Variants in ATM observed in about 807,000 individuals in gnomAD.
ATM encodes the protein serine-protein kinase ATM.
A neutral mutation model predicts 387.0 loss-of-function variants in ATM; 308 were observed. That is an observed-to-expected ratio of 0.80 (90% CI 0.73 to 0.87). The LOEUF is 0.87. Ranked by LOEUF, ATM falls within the 40% of genes least tolerant of loss-of-function variation. The pLI is 0.00. For synonymous variants in ATM, 1,156 were observed against 1,187.3 expected (o/e 0.97, Z 0.54); for missense variants, 3,312 against 3,560.9 (o/e 0.93, Z 1.78).
At chr11:108,313,488 G>A (rs4988076) in intron 40 of ATM, among the ~76,000 whole-genome samples, 22 of 152,032 alleles carry the variant, frequency 1.4e-4, no homozygotes, top group Non-Finnish European at 3.1e-4. Flanking sequence ...TAAGTCTGGT[G>A]GTCACCTTTC....
At chr11:108,341,176 C>T (rs2087522057) in intron 56 of ATM, among the ~76,000 whole-genome samples, 1 of 152,020 alleles carries the variant, frequency 6.6e-6, no homozygotes, top group African/African-American at 2.4e-5. Context: ...CTTACCTGGT[C>T]TTTTGCAATT....
Position 108,279,480 on chromosome 11 carries a change from C to T in ATM, c.3285-11C>T, listed in dbSNP as rs2135641969. The T allele has an allele frequency of 6.4e-7, 1 of 1,574,146 alleles. No homozygotes were observed. The highest frequency in any genetic ancestry group is 8.7e-7 in the Non-Finnish European group (1 of 1,148,504). On this transcript the variant is annotated splice_polypyrimidine_tract_variant and intron_variant, in intron 22 of 62. Transcript: ENST00000675843. ...CACTTTTTGTTTGTTTGTTTGCTTG[C>T]TTGTTTTAAGATTGTTCCAGGACAC...
intron 16 of ATM, among the ~76,000 whole-genome samples, chr11:108,266,635 TA>T (rs538064638): frequency 3.6e-4 from 54 of 151,890 alleles, no homozygotes; most frequent in East Asian, 1.4e-3. Context: ...TAAAGTGTAA[TA>T]AAAAAAATAA....
At chr11:108,297,465 GT>G (rs2083189745) in intron 33 of ATM, 83 bp downstream of exon 33, 1 of 1,200,266 alleles carries the variant, frequency 8.3e-7, no homozygotes, top group African/African-American at 1.5e-5. Context: ...TATTTTTACT[GT>G]ATGTTTTCTG....
intron 39 of ATM, among the ~76,000 whole-genome samples, chr11:108,311,039 C>T (rs1055057025): frequency 5.3e-5 from 8 of 152,204 alleles, no homozygotes; most frequent in African/African-American, 1.9e-4. Context: ...GCGATCATAG[C>T]TCACTGTAGC....
At chr11:108,358,137 A>G (rs1374376532) in intron 61 of ATM, among the ~76,000 whole-genome samples, 2 of 151,642 alleles carry the variant, frequency 1.3e-5, no homozygotes, top group African/African-American at 2.4e-5. Flanking sequence ...CTCGAGAACT[A>G]TGTGAAGAAT....
chr11:108,362,669 AATC>A (rs1439950348), intron 61 of ATM, among the ~76,000 whole-genome samples: 2 of 149,458 alleles, frequency 1.3e-5, no homozygotes, highest in African/African-American at 4.9e-5. Context: ...TGAAATTGGA[AATC>A]ATCATTCTCA....
rs970354150 is a variant in ATM, at chr11:108,368,997, A to G, written c.*3489A>G. On this transcript the variant is annotated 3_prime_UTR_variant, in exon 63 of 63. Transcript: ENST00000675843. Reference sequence around the variant, plus strand: ...TTTCAAGTATTTTAATTGCACCTTAATGAAATTATCTATTTTCTATAGATT... The same window carrying G: ...TTTCAAGTATTTTAATTGCACCTTAGTGAAATTATCTATTTTCTATAGATT... 2.2e-5 allele frequency: 4 copies of G among 183,816 alleles called. No individual in the cohort carries two copies. Among genetic ancestry groups the G allele is most frequent in the African/African-American group, 9.4e-5 (4 of 42,612 alleles). The allele number at this position is 183,816 out of a possible 1,614,324, so 11.4% of individuals were successfully genotyped here.
chr11:108,250,141 AATATAT>A (rs10612272), intron 9 of ATM, among the ~76,000 whole-genome samples: 52 of 146,326 alleles, frequency 3.6e-4, no homozygotes, highest in Admixed American at 8.2e-4. Flanking sequence ...AATATTGCTA[AATATAT>A]ATATATATAT....
intron 5 of ATM, 121 bp from the exon 6 acceptor site, chr11:108,243,827 ATAAAT>A (rs1461656206): frequency 2.3e-6 from 2 of 883,568 alleles, no homozygotes; most frequent in African/African-American, 1.7e-5. Context: ...TATGTTAAAA[ATAAAT>A]TAGTGCAGTT....
rs876660429 is a variant in ATM, at chr11:108,326,177, G to A, written c.6927G>A (p.Leu2309=). Reference sequence around the variant, plus strand: ...CAAAAAAGGAGCAGAGTCTTGCCCTGAGTATTCTCAAGCAAATGATCAAGA... The same window carrying A: ...CAAAAAAGGAGCAGAGTCTTGCCCTAAGTATTCTCAAGCAAATGATCAAGA... ...FWAKKEQSLA[L]SILKQMIKKL... Residue 2309 remains leucine, a synonymous_variant, in exon 47 of 63, where the codon CTG becomes CTA. Transcript: ENST00000675843. 3 of 1,614,178 alleles carry A rather than the reference G, an allele frequency of 1.9e-6. No individual in the cohort carries two copies. Among genetic ancestry groups the A allele is most frequent in the Non-Finnish European group, 1.7e-6 (2 of 1,180,028 alleles).
At chr11:108,241,627 G>A (rs187691366) in intron 5 of ATM, among the ~76,000 whole-genome samples, 3 of 151,492 alleles carry the variant, frequency 2.0e-5, no homozygotes, top group African/African-American at 7.3e-5. Context: ...GTATGTGACT[G>A]TGGTTGGAAT....
chr11:108,284,515 T>A lies in ATM; in HGVS notation c.3993+42T>A, dbSNP rs763032568. 4.7e-5 allele frequency: 76 copies of A among 1,604,112 alleles called. No homozygotes were observed. The African/African-American group carries it at 9.6e-4, about 20-fold the overall frequency. Reference sequence around the variant, plus strand: ...TATGTACTTTTCATTCCCTGAATGATATGAGATATAACCTTTAAGTTTTAA... The same window carrying A: ...TATGTACTTTTCATTCCCTGAATGAAATGAGATATAACCTTTAAGTTTTAA... On this transcript the variant is annotated intron_variant, in intron 26 of 62. Coordinates refer to ENST00000675843, the MANE Select transcript of ATM (RefSeq NM_000051.4).
intron 11 of ATM, 129 bp from the exon 12 acceptor site, chr11:108,252,688 A>G: frequency 1.5e-6 from 1 of 685,100 alleles, no homozygotes; most frequent in Non-Finnish European, 2.6e-6. Flanking sequence ...AGTATAGATG[A>G]AAGCAATTTT....
rs1008679012 is a variant in ATM, at chr11:108,357,665, G to A, written c.8850+2791G>A. On this transcript the variant is annotated intron_variant, in intron 61 of 62. Transcript: ENST00000675843. ...GACCCCCGAGCAGCCTAACTGGGAGGCACCCCCCAGCAGGGGCACACTGAC... is the reference window on the plus strand; with the variant it reads ...GACCCCCGAGCAGCCTAACTGGGAGACACCCCCCAGCAGGGGCACACTGAC... Among the ~76,000 whole-genome samples, 1,124 of 152,198 alleles carry A rather than the reference G, an allele frequency of 7.4e-3. 29 individuals are homozygous for A. The highest frequency in any genetic ancestry group is 0.056 in the Admixed American group (852 of 15,284).
At chr11:108,323,855 TTAAA>T (rs1002203919) in intron 45 of ATM, among the ~76,000 whole-genome samples, 5 of 152,244 alleles carry the variant, frequency 3.3e-5, no homozygotes, top group African/African-American at 1.2e-4. Context: ...AACCAAAACA[TTAAA>T]TAATAACAAA....
chr11:108,304,581 A>T, intron 36 of ATM, 94 bp from the exon 37 acceptor site: 1 of 1,215,782 alleles, frequency 8.2e-7, no homozygotes, highest in Non-Finnish European at 1.2e-6. Flanking sequence ...TTAGAAATTT[A>T]ATATGTCAAC....
chr11:108,323,394 G>A (rs1260485882), intron 45 of ATM, among the ~76,000 whole-genome samples: 1 of 152,168 alleles, frequency 6.6e-6, no homozygotes, highest in Non-Finnish European at 1.5e-5. Context: ...CCAGAGGCAG[G>A]GAAGGGTGTT....
intron 5 of ATM, among the ~76,000 whole-genome samples, chr11:108,237,848 A>G (rs1490160877): frequency 2.0e-5 from 3 of 150,682 alleles, no homozygotes; most frequent in Non-Finnish European, 4.4e-5. Flanking sequence ...AAATCTTAAC[A>G]ATGTGGAGTT....
Sources: gnomAD v4.1 joint callset for allele counts (sites outside exome capture counted in the v4.1 genomes callset) on GRCh38, gnomAD v4.1.1 for gene constraint, MANE v1.5 for transcripts, NCBI Gene and HGNC (gene_info 2026-07-23, HGNC 2026-07-21) for gene names.